GPC5: variants seen among roughly 807,000 people sequenced by gnomAD.
GPC5 encodes the protein glypican 5.
GPC5 carries 47 observed loss-of-function variants against 53.9 expected under a neutral mutation model. The ratio of observed to expected loss-of-function variants is 0.87; its 90% CI spans 0.69 to 1.11. GPC5 has a LOEUF of 1.11. Ranked by LOEUF, GPC5 falls within the 50% of genes most tolerant of loss-of-function variation. GPC5 has a pLI of 0.00. For missense variants in GPC5, 748 were observed against 713.1 expected (o/e 1.05, Z -0.56); for synonymous variants, 286 against 263.3 (o/e 1.09, Z -0.84).
intron 7 of GPC5, among the ~76,000 whole-genome samples, chr13:92,239,601 T>C (rs1446488866): frequency 6.6e-6 from 1 of 151,996 alleles, no homozygotes; most frequent in African/African-American, 2.4e-5. Flanking sequence ...GCCATTGAAT[T>C]TTAAATCATT....
At chr13:91,869,131 C>T (rs2039116381) in intron 5 of GPC5, among the ~76,000 whole-genome samples, 1 of 152,080 alleles carries the variant, frequency 6.6e-6, no homozygotes, top group Admixed American at 6.6e-5. Flanking sequence ...GCAATCTTGG[C>T]TTATTACAAG....
rs1465408988 is a variant in GPC5 at position 92,476,062 on chromosome 13, G to C, written c.1561+331073G>C. Among the ~76,000 whole-genome samples the C allele has an allele frequency of 4.1e-3, 617 of 152,146 alleles. 8 individuals are homozygous for C. The highest frequency in any genetic ancestry group is 0.014 in the African/African-American group (582 of 41,470). On this transcript the variant is annotated intron_variant, in intron 7 of 7. Coordinates refer to ENST00000377067, the MANE Select transcript of GPC5 (RefSeq NM_004466.6). ...AGAAATGGGATCTAATTAAACTAAA[G>C]AGCTTCTGCACAGCAAAAGAAACTA...
intron 7 of GPC5, among the ~76,000 whole-genome samples, chr13:92,580,062 A>G (rs748828657): frequency 6.6e-6 from 1 of 152,230 alleles, no homozygotes; most frequent in Non-Finnish European, 1.5e-5. Flanking sequence ...ACTTAGGATA[A>G]CTTTGTACAT....
At chr13:91,478,830 C>A (rs1447582777) in intron 2 of GPC5, among the ~76,000 whole-genome samples, 1 of 58,470 alleles carries the variant, frequency 1.7e-5, no homozygotes, top group African/African-American at 5.2e-5. Flanking sequence ...TATACACACA[C>A]ACACATATAT....
chr13:92,396,298 G>C (rs193007810), intron 7 of GPC5, among the ~76,000 whole-genome samples: 11 of 152,116 alleles, frequency 7.2e-5, no homozygotes, highest in Admixed American at 7.2e-4. Context: ...CTGTTACAAT[G>C]TTTTTTATTT....
chr13:92,028,008 A>G (rs991137860), intron 6 of GPC5, among the ~76,000 whole-genome samples: 29 of 152,252 alleles, frequency 1.9e-4, no homozygotes, highest in Non-Finnish European at 1.3e-4. Flanking sequence ...CTTTTGAAAT[A>G]TAGAGGTTAG....
chr13:91,752,364 C>T (rs541408180), intron 4 of GPC5, among the ~76,000 whole-genome samples: 4 of 152,114 alleles, frequency 2.6e-5, no homozygotes, highest in Non-Finnish European at 4.4e-5. Flanking sequence ...GGATTATAGG[C>T]GTGAGCCACC....
At chr13:92,421,109 C>A (rs1876538681) in intron 7 of GPC5, among the ~76,000 whole-genome samples, 1 of 152,162 alleles carries the variant, frequency 6.6e-6, no homozygotes, top group African/African-American at 2.4e-5. Context: ...TCTTTTTAAC[C>A]CTGTGAAGTA....
chr13:92,731,523 A>G (rs1307914579), intron 7 of GPC5, among the ~76,000 whole-genome samples: 1 of 151,532 alleles, frequency 6.6e-6, no homozygotes, highest in African/African-American at 2.4e-5. Flanking sequence ...TCGGTGAAGT[A>G]ATAGAAGTAA....
At chr13:91,593,521 G>A (rs552337755) in intron 2 of GPC5, among the ~76,000 whole-genome samples, 5 of 152,194 alleles carry the variant, frequency 3.3e-5, no homozygotes, top group African/African-American at 9.6e-5. Flanking sequence ...CCCACTGTGT[G>A]TGCCTGGCTT....
intron 7 of GPC5, among the ~76,000 whole-genome samples, chr13:92,386,656 A>G (rs1010054247): frequency 3.9e-5 from 6 of 152,058 alleles, no homozygotes; most frequent in Non-Finnish European, 7.4e-5. Context: ...TTGTGATGTT[A>G]TACTTGCTGC....
chr13:92,584,485 G>C (rs553093542), intron 7 of GPC5, among the ~76,000 whole-genome samples: 110 of 152,286 alleles, frequency 7.2e-4, no homozygotes, highest in African/African-American at 2.4e-3. Context: ...GCATTCAAGA[G>C]GTGACTTGGG....
At chr13:91,672,358 C>G (rs1360368903) in intron 2 of GPC5, among the ~76,000 whole-genome samples, 4 of 152,054 alleles carry the variant, frequency 2.6e-5, no homozygotes, top group Non-Finnish European at 4.4e-5. Context: ...GGTCTAATGT[C>G]CAGAATTTAC....
chr13:92,691,267 G>A (rs1371746390), intron 7 of GPC5, among the ~76,000 whole-genome samples: 1 of 118,704 alleles, frequency 8.4e-6, no homozygotes, highest in African/African-American at 3.4e-5. Context: ...ATAGTCTCAT[G>A]GTGCGCCGTT....
At chr13:92,267,523 G>T (rs1408492344) in intron 7 of GPC5, among the ~76,000 whole-genome samples, 3 of 151,896 alleles carry the variant, frequency 2.0e-5, no homozygotes. Context: ...CAGAATCCTT[G>T]GTTACTCCTC....
chr13:92,417,833 G>T (rs1876381762), intron 7 of GPC5, among the ~76,000 whole-genome samples: 1 of 152,196 alleles, frequency 6.6e-6, no homozygotes, highest in African/African-American at 2.4e-5. Flanking sequence ...CGAGGGTGCG[G>T]TGAGCTGAAA....
intron 7 of GPC5, among the ~76,000 whole-genome samples, chr13:92,600,081 C>T (rs760913438): frequency 6.6e-6 from 1 of 152,220 alleles, no homozygotes; most frequent in African/African-American, 2.4e-5. Context: ...TCATGGCTTT[C>T]AATTTTTTTA....
At position 91,803,763 on chromosome 13, in the gene GPC5, G is replaced by GAGAC. The variant is rs1157171365; in HGVS notation, c.1280+47361_1280+47364dup. 1.1e-3 allele frequency among the ~76,000 whole-genome samples: 169 copies of GAGAC among 147,322 alleles called. 2 individuals carry two copies. Among genetic ancestry groups the GAGAC allele is most frequent in the African/African-American group, 4.1e-3 (163 of 39,458 alleles). ...AGACATTCTAGAAACATATATAACA[G>GAGAC]AGACAGACAGACAGACAGACACACA... On this transcript the variant is annotated intron_variant, in intron 5 of 7. Coordinates refer to ENST00000377067, the MANE Select transcript of GPC5 (RefSeq NM_004466.6).
intron 2 of GPC5, among the ~76,000 whole-genome samples, chr13:91,481,657 C>T (rs909284080): frequency 1.3e-5 from 2 of 152,140 alleles, no homozygotes; most frequent in Admixed American, 6.6e-5. Flanking sequence ...TAAATTGCTT[C>T]TACTTAATTA....
Sources: allele counts gnomAD v4.1 joint callset (sites outside exome capture counted in the v4.1 genomes callset), GRCh38; gene constraint gnomAD v4.1.1; transcripts MANE v1.5; gene names NCBI Gene and HGNC (gene_info 2026-07-23, HGNC 2026-07-21).